Variants in OSBPL1A observed in about 807,000 individuals in gnomAD.
OSBPL1A encodes oxysterol-binding protein-related protein 1.
Under a neutral mutation model 137.1 loss-of-function variants are expected in OSBPL1A, and 80 were observed. The observed-to-expected ratio is 0.58, with a 90% CI of 0.49 to 0.70. OSBPL1A has a LOEUF of 0.70. Ranked by LOEUF, OSBPL1A falls within the 30% of genes least tolerant of loss-of-function variation. The probability of loss-of-function intolerance (pLI) is 0.00; values close to 1 mark genes in which losing one functional copy is unlikely to be tolerated. For missense variants in OSBPL1A, 970 were observed against 1,129.4 expected, an observed-to-expected ratio of 0.86 and a Z score of 2.02; for synonymous variants, 365 against 389.7, an observed-to-expected ratio of 0.94 and a Z score of 0.75.
intron 4 of OSBPL1A, among the ~76,000 whole-genome samples, chr18:24,351,208 G>A (rs1372491582): frequency 6.6e-6 from 1 of 151,838 alleles, no homozygotes; most frequent in Non-Finnish European, 1.5e-5. Context: ...AATGAGCTGG[G>A]TGTGGTGACA....
intron 13 of OSBPL1A, among the ~76,000 whole-genome samples, chr18:24,304,127 A>C (rs907264511): frequency 6.6e-6 from 1 of 151,614 alleles, no homozygotes; most frequent in Non-Finnish European, 1.5e-5. Context: ...TTTTGTTCAG[A>C]AAAAAAAATC....
chr18:24,295,872 C>G (rs1436318614), intron 14 of OSBPL1A, among the ~76,000 whole-genome samples: 2 of 149,854 alleles, frequency 1.3e-5, no homozygotes, highest in Non-Finnish European at 3.0e-5. Flanking sequence ...TTTTTTTTCT[C>G]CATAACAGTA....
chr18:24,309,849 C>A (rs2090579882), intron 13 of OSBPL1A, among the ~76,000 whole-genome samples: 1 of 151,896 alleles, frequency 6.6e-6, no homozygotes, highest in Admixed American at 6.6e-5. Context: ...GAGCTTGAGA[C>A]CAGCCTGGCC....
At chr18:24,343,037 A>G (rs963192738) in intron 4 of OSBPL1A, among the ~76,000 whole-genome samples, 3 of 152,052 alleles carry the variant, frequency 2.0e-5, no homozygotes, top group African/African-American at 7.2e-5. Context: ...CATATTAATT[A>G]AAGAAAGTAG....
In OSBPL1A at chr18:24,229,896, G is replaced by A. The variant is rs546083192; in HGVS notation, c.1445-4698C>T. Among the ~76,000 whole-genome samples the A allele has an allele frequency of 1.1e-4, 16 of 152,106 alleles. No individual in the cohort carries two copies. In the South Asian group the frequency reaches 2.9e-3, roughly 28 times the overall value. The stretch of plus-strand genomic sequence containing the variant: ...CTCCCAAGTACCTGGGACTATAAGC[G>A]CGCGCCACCATGCCCGGCTAATTTT... On this transcript the variant is annotated intron_variant, in intron 16 of 27. Transcript: ENST00000319481.
chr18:24,256,628 T>C (rs924332224), intron 15 of OSBPL1A, among the ~76,000 whole-genome samples: 3 of 151,928 alleles, frequency 2.0e-5, no homozygotes, highest in Non-Finnish European at 4.4e-5. Context: ...AATCAGACAA[T>C]AGAAAGAAAT....
chr18:24,225,131 T>A lies in OSBPL1A; in HGVS notation c.1512A>T (p.Gly504=), dbSNP rs529176871. 6.2e-7 allele frequency: 1 copy of A among 1,614,180 alleles called. No homozygotes were observed. The highest frequency in any genetic ancestry group is 8.5e-7 in the Non-Finnish European group (1 of 1,180,010). Residue 504 remains glycine (G), a synonymous_variant, in exon 17 of 28, where the codon GGA becomes GGT. Transcript: ENST00000319481. ...AVTARSFEEE[G]EHLGSRKHRM... ...TGTGTTTTCTACTGCCCAAATGCTC[T>A]CCTTCCTCTTCAAAGGAGCGTGCTG...
intron 2 of OSBPL1A, among the ~76,000 whole-genome samples, chr18:24,369,877 CA>C (rs1357445323): frequency 6.6e-6 from 1 of 152,186 alleles, no homozygotes; most frequent in Non-Finnish European, 1.5e-5. Context: ...TGGGGTCCCC[CA>C]TCCCCCCTGT....
Position 24,303,577 on chromosome 18 carries a change from A to G in OSBPL1A, c.1174+60T>C, listed in dbSNP as rs116080354. ...TTTAAAAATGAAGTCAAACAAAACTACAACAGGTCAGTATCTATGTGTTAA... is the reference window on the plus strand; with the variant it reads ...TTTAAAAATGAAGTCAAACAAAACTGCAACAGGTCAGTATCTATGTGTTAA... On this transcript the variant is annotated intron_variant, in intron 14 of 27. Coordinates refer to ENST00000319481, the MANE Select transcript of OSBPL1A (RefSeq NM_080597.4). 1,486 of 1,346,786 alleles carry G rather than the reference A, an allele frequency of 1.1e-3. 14 individuals are homozygous for G. The African/African-American group carries it at 0.019, about 17-fold the overall frequency. 83.4% of individuals were successfully genotyped at this position (1,346,786 alleles called of 1,614,324 possible).
At chr18:24,166,524 G>A in intron 26 of OSBPL1A, 55 bp downstream of exon 26, 1 of 1,563,602 alleles carries the variant, frequency 6.4e-7, no homozygotes. Flanking sequence ...AATAAACAAA[G>A]CATCATCCCC....
At position 24,189,579 on chromosome 18, in the gene OSBPL1A, A is replaced by G. The variant is rs115797718; in HGVS notation, c.1677+6546T>C. Among the ~76,000 whole-genome samples the G allele has an allele frequency of 2.3e-3, 346 of 152,304 alleles. 1 individual carries two copies. The highest frequency in any genetic ancestry group is 8.0e-3 in the African/African-American group (334 of 41,560). On this transcript the variant is annotated intron_variant, in intron 18 of 27. Transcript: ENST00000319481. ...CTACCTCCCACAGCTACCGATAATG[A>G]AAAAATTCATTGTGCTTACATTTGA...
In OSBPL1A at chr18:24,170,461, GA is replaced by G. The variant is rs756804681; in HGVS notation, c.2292-9del. The stretch of plus-strand genomic sequence containing the variant: ...GCACAGAGCTTCTTTTTGCTGTCAA[GA>G]AAAACTGATGTTTAGTTAACAAACC... On this transcript the variant is annotated splice_polypyrimidine_tract_variant and intron_variant, in intron 23 of 27. Coordinates refer to ENST00000319481, the MANE Select transcript of OSBPL1A (RefSeq NM_080597.4). 10 of 1,613,778 alleles carry G rather than the reference GA, an allele frequency of 6.2e-6. No individual in the cohort carries two copies. Among genetic ancestry groups the G allele is most frequent in the Non-Finnish European group, 8.5e-6 (10 of 1,179,948 alleles).
intron 2 of OSBPL1A, among the ~76,000 whole-genome samples, chr18:24,372,130 C>T (rs1368170068): frequency 6.6e-6 from 1 of 151,936 alleles, no homozygotes; most frequent in Non-Finnish European, 1.5e-5. Context: ...CAAAAATCAG[C>T]CAGGCGTGGT....
intron 18 of OSBPL1A, among the ~76,000 whole-genome samples, chr18:24,183,802 T>G (rs2086674019): frequency 6.6e-6 from 1 of 152,208 alleles, no homozygotes; most frequent in Non-Finnish European, 1.5e-5. Flanking sequence ...TCACTGTGTT[T>G]TGGGGATCTT....
At chr18:24,221,935 T>C (rs2087906999) in intron 17 of OSBPL1A, among the ~76,000 whole-genome samples, 1 of 152,218 alleles carries the variant, frequency 6.6e-6, no homozygotes, top group Non-Finnish European at 1.5e-5. Context: ...TGATTTTGTA[T>C]ATGGCAGCCT....
intron 14 of OSBPL1A, among the ~76,000 whole-genome samples, chr18:24,281,437 G>A (rs1391789577): frequency 2.6e-5 from 4 of 150,996 alleles, no homozygotes; most frequent in Non-Finnish European, 5.9e-5. Context: ...GCCCAGGCTG[G>A]AGTGCAGTGG....
intron 17 of OSBPL1A, among the ~76,000 whole-genome samples, chr18:24,213,128 T>C (rs1403143913): frequency 6.6e-6 from 1 of 152,224 alleles, no homozygotes; most frequent in Non-Finnish European, 1.5e-5. Context: ...AACCTGCTGT[T>C]AGACCTCTCC....
At chr18:24,209,234 T>C (rs985509157) in intron 17 of OSBPL1A, among the ~76,000 whole-genome samples, 1 of 152,078 alleles carries the variant, frequency 6.6e-6, no homozygotes, top group Non-Finnish European at 1.5e-5. Flanking sequence ...TACAAATCAA[T>C]AATACAAAGA....
chr18:24,166,819 T>C, intron 25 of OSBPL1A, 117 bp from the exon 26 acceptor site: 4 of 1,049,842 alleles, frequency 3.8e-6, no homozygotes, highest in Non-Finnish European at 1.4e-6. Context: ...ATGGTAACAA[T>C]GGTCAGTCTT....
Sources: allele counts gnomAD v4.1 joint callset (sites outside exome capture counted in the v4.1 genomes callset), GRCh38; gene constraint gnomAD v4.1.1; transcripts MANE v1.5; gene names NCBI Gene and HGNC (gene_info 2026-07-23, HGNC 2026-07-21).